Variants in CMKLR2 observed in about 807,000 individuals in gnomAD.
The protein encoded by CMKLR2 is chemerin chemokine-like receptor 2.
Under a neutral mutation model 23.0 loss-of-function variants are expected in CMKLR2, and 18 were observed. The observed-to-expected ratio is 0.78, with a 90% CI of 0.54 to 1.16. The LOEUF is 1.16. CMKLR2 is among the 50% of genes most tolerant of loss of function. The pLI is 0.00. For synonymous variants in CMKLR2, 158 were observed against 158.9 expected, an observed-to-expected ratio of 0.99 and a Z score of 0.05; for missense variants, 401 against 412.7, an observed-to-expected ratio of 0.97 and a Z score of 0.25.
At chr2:206,201,046 G>A (rs530667548) in intron 1 of CMKLR2, among the ~76,000 whole-genome samples, 1 of 152,160 alleles carries the variant, frequency 6.6e-6, no homozygotes, top group South Asian at 2.1e-4. Context: ...CAAACTCCTG[G>A]ACTCAAGGGA....
chr2:206,182,475 C>CA (rs1236648884), intron 1 of CMKLR2, among the ~76,000 whole-genome samples: 1 of 152,212 alleles, frequency 6.6e-6, no homozygotes. Context: ...GTGCCTTGTA[C>CA]ACCTTAATAT....
At chr2:206,192,195 G>A (rs2105816109) in intron 1 of CMKLR2, among the ~76,000 whole-genome samples, 1 of 151,442 alleles carries the variant, frequency 6.6e-6, no homozygotes, top group Admixed American at 6.6e-5. Flanking sequence ...GCCCAGGCTG[G>A]TCTCGAACTC....
At chr2:206,200,198 C>T (rs1158984916) in intron 1 of CMKLR2, among the ~76,000 whole-genome samples, 2 of 151,530 alleles carry the variant, frequency 1.3e-5, no homozygotes, top group Non-Finnish European at 2.9e-5. Flanking sequence ...CTGAGGCGGG[C>T]GGATCACCTG....
At chr2:206,188,494 T>A (rs1382423370) in intron 1 of CMKLR2, among the ~76,000 whole-genome samples, 1 of 152,230 alleles carries the variant, frequency 6.6e-6, no homozygotes, top group Non-Finnish European at 1.5e-5. Flanking sequence ...AAGGTCTCTA[T>A]GATCATAAAA....
At chr2:206,217,625 T>C (rs1689796690), upstream of CMKLR2, 1 of 152,204 alleles carries the variant, frequency 6.6e-6, no homozygotes. Context: ...TGTAGAAATG[T>C]GGGGAACAGC....
At chr2:206,205,229 T>A (rs895412555) in intron 1 of CMKLR2, among the ~76,000 whole-genome samples, 2 of 152,340 alleles carry the variant, frequency 1.3e-5, no homozygotes, top group South Asian at 2.1e-4. Context: ...CAAAAATCAA[T>A]CTTTTATTTA....
At chr2:206,191,073 T>A (rs1372502943) in intron 1 of CMKLR2, among the ~76,000 whole-genome samples, 2 of 152,238 alleles carry the variant, frequency 1.3e-5, no homozygotes, top group Non-Finnish European at 2.9e-5. Context: ...AGATGTATAA[T>A]GTAAATATCA....
intron 1 of CMKLR2, among the ~76,000 whole-genome samples, chr2:206,190,892 A>G (rs1385874991): frequency 6.6e-6 from 1 of 152,176 alleles, no homozygotes; most frequent in African/African-American, 2.4e-5. Flanking sequence ...CATGTACCGG[A>G]AGTCAACGCC....
upstream of CMKLR2, among the ~76,000 whole-genome samples, chr2:206,215,828 G>A (rs1689735756): frequency 1.3e-5 from 2 of 152,226 alleles, no homozygotes; most frequent in Admixed American, 1.3e-4. Flanking sequence ...CAGCCAGGCT[G>A]TTTGGTGCAT....
rs114250225 is a variant in CMKLR2 at position 206,189,786 on chromosome 2, A to G, written c.-28-12511T>C. On this transcript the variant is annotated intron_variant, in intron 1 of 1. Coordinates refer to ENST00000621141, the MANE Select transcript of CMKLR2 (RefSeq NM_001389445.1). ...AGGGCTGTCTTCTTAGGGAAGAAAGATTTTTTGAAACATGTATATGTGTGT... is the reference window on the plus strand; with the variant it reads ...AGGGCTGTCTTCTTAGGGAAGAAAGGTTTTTTGAAACATGTATATGTGTGT... Among the ~76,000 whole-genome samples the G allele has an allele frequency of 7.1e-3, 1,075 of 152,274 alleles. 19 individuals carry two copies. Among genetic ancestry groups the G allele is most frequent in the African/African-American group, 0.025 (1,023 of 41,544 alleles).
At position 206,192,491 on chromosome 2, in the gene CMKLR2, T is replaced by G. The variant is rs574064431; in HGVS notation, c.-28-15216A>C. ...GCTGAGGTGGGAGGATTGCTTGAGG[T>G]CAGGGCTTCAAGACCATAGTGAGAA... On this transcript the variant is annotated intron_variant, in intron 1 of 1. Coordinates refer to ENST00000621141, the MANE Select transcript of CMKLR2 (RefSeq NM_001389445.1). 1.2e-4 allele frequency among the ~76,000 whole-genome samples: 18 copies of G among 151,906 alleles called. No homozygotes were observed. The East Asian group carries it at 1.9e-3, about 16-fold the overall frequency.
chr2:206,217,588 A>T (rs1262249562), upstream of CMKLR2: 1 of 152,196 alleles, frequency 6.6e-6, no homozygotes, highest in Non-Finnish European at 1.5e-5. Flanking sequence ...CATCTTTTCC[A>T]CTAAGATTTC....
At chr2:206,213,142 T>A (rs778471365) in intron 1 of CMKLR2, among the ~76,000 whole-genome samples, 165 bp downstream of exon 1, 3 of 152,232 alleles carry the variant, frequency 2.0e-5, no homozygotes, top group Admixed American at 6.5e-5. Context: ...ACCAAAAATA[T>A]GAATCTGCAG....
intron 1 of CMKLR2, among the ~76,000 whole-genome samples, chr2:206,197,816 A>T (rs910552393): frequency 1.3e-5 from 2 of 152,196 alleles, no homozygotes; most frequent in Non-Finnish European, 2.9e-5. Context: ...GGTGTGAGCC[A>T]CCATGCTCAA....
Position 206,176,790 on chromosome 2 carries a change from T to G in CMKLR2, c.458A>C (p.Asn153Thr). 1 of 1,613,570 alleles carries G rather than the reference T, an allele frequency of 6.2e-7. No individual in the cohort carries two copies. Among genetic ancestry groups the G allele is most frequent in the Non-Finnish European group, 8.5e-7 (1 of 1,179,882 alleles). ...VLSHRHRTLK[N>T]SLIVIIFIWL... Reference sequence around the variant, plus strand: ...GATGAATATAATGACAATCAGAGAGTTCTTGAGGGTTCGATGCCGATGAGA... The same window carrying G: ...GATGAATATAATGACAATCAGAGAGGTCTTGAGGGTTCGATGCCGATGAGA... The change falls in exon 2 of 2, where the codon AAC (asparagine) becomes ACC (threonine). Residue 153 changes from asparagine (N) to threonine (T), a missense_variant. By Grantham distance (65) the Asn-to-Thr change is moderately conservative. Coordinates refer to ENST00000621141, the MANE Select transcript of CMKLR2 (RefSeq NM_001389445.1).
At chr2:206,193,632 G>C (rs548712184) in intron 1 of CMKLR2, among the ~76,000 whole-genome samples, 11 of 152,132 alleles carry the variant, frequency 7.2e-5, no homozygotes, top group Non-Finnish European at 2.9e-5. Flanking sequence ...GCAATGTTAT[G>C]TATCGTAACG....
intron 1 of CMKLR2, among the ~76,000 whole-genome samples, chr2:206,208,104 T>C (rs950331403): frequency 5.9e-5 from 9 of 152,092 alleles, no homozygotes; most frequent in Non-Finnish European, 7.4e-5. Context: ...AAGGTGCTCA[T>C]CTCCCTTACT....
chr2:206,178,790 A>G (rs912389510), intron 1 of CMKLR2, among the ~76,000 whole-genome samples: 23 of 151,984 alleles, frequency 1.5e-4, no homozygotes, highest in African/African-American at 5.6e-4. Flanking sequence ...TTGGGATTAC[A>G]GATGCTGGCT....
upstream of CMKLR2, among the ~76,000 whole-genome samples, chr2:206,215,173 G>A (rs913493232): frequency 2.6e-5 from 4 of 152,086 alleles, no homozygotes; most frequent in Non-Finnish European, 4.4e-5. Flanking sequence ...ACACCTACCC[G>A]CAATCCCTTG....
Sources: allele counts gnomAD v4.1 joint callset (sites outside exome capture counted in the v4.1 genomes callset), GRCh38; gene constraint gnomAD v4.1.1; transcripts MANE v1.5; gene names NCBI Gene and HGNC (gene_info 2026-07-23, HGNC 2026-07-21).